The following MYCBPAP variants were observed in gnomAD, a reference collection of about 807,000 sequenced individuals.
MYCBPAP encodes the protein MYCBP associated protein.
A neutral mutation model predicts 106.1 loss-of-function variants in MYCBPAP; 60 were observed. The ratio of observed to expected loss-of-function variants is 0.57; its 90% CI spans 0.46 to 0.70. The LOEUF (loss-of-function observed/expected upper bound fraction) is 0.70. Ranked by LOEUF, MYCBPAP falls within the 30% of genes least tolerant of loss-of-function variation. The pLI is 0.00. For synonymous variants in MYCBPAP, 407 were observed against 440.6 expected (o/e 0.92, Z 0.95); for missense variants, 1,064 against 1,169.3 (o/e 0.91, Z 1.31).
At chr17:50,515,157 C>T (rs2033999436) in intron 1 of MYCBPAP, among the ~76,000 whole-genome samples, 1 of 152,120 alleles carries the variant, frequency 6.6e-6, no homozygotes, top group Admixed American at 6.5e-5. Flanking sequence ...TTCCTTTCTC[C>T]AGCTTCTTCA....
At chr17:50,513,218 C>CAAAAAA (rs1190873215) in intron 1 of MYCBPAP, among the ~76,000 whole-genome samples, 1 of 62,692 alleles carries the variant, frequency 1.6e-5, no homozygotes, top group African/African-American at 6.1e-5. Flanking sequence ...AACTCCATCT[C>CAAAAAA]AAAAAAAAAA....
Position 50,523,137 on chromosome 17 carries a change from G to C in MYCBPAP, c.1447+9G>C. 6.2e-7 allele frequency: 1 copy of C among 1,611,866 alleles called. No individual in the cohort carries two copies. The highest frequency in any genetic ancestry group is 8.5e-7 in the Non-Finnish European group (1 of 1,178,288). ...CTTTGACAACCGGGAAGGTACTCGG[G>C]AGAAGCCACCCTATGTGCTAGCTCC... On this transcript the variant is annotated intron_variant, in intron 11 of 18. Coordinates refer to ENST00000323776, the MANE Select transcript of MYCBPAP (RefSeq NM_032133.6).
intron 1 of MYCBPAP, among the ~76,000 whole-genome samples, chr17:50,510,830 C>A (rs942701335): frequency 9.3e-5 from 14 of 150,898 alleles, no homozygotes; most frequent in African/African-American, 3.4e-4. Context: ...CCGTGACATA[C>A]TTTTTAATAG....
chr17:50,529,046 C>G lies in MYCBPAP; in HGVS notation c.2582C>G (p.Ala861Gly). 6.2e-7 allele frequency: 1 copy of G among 1,614,086 alleles called. No homozygotes were observed. Among genetic ancestry groups the G allele is most frequent in the Non-Finnish European group, 8.5e-7 (1 of 1,180,006 alleles). ...EDRPNSKKHKAKDDKKVIKSA... is the reference protein window; with the variant it reads ...EDRPNSKKHKGKDDKKVIKSA... ...CGTCCCAACAGCAAGAAGCACAAGG[C>G]AAAGGATGACAAGAAAGTCATAAAA... is the stretch of plus-strand genomic sequence containing the variant. Residue 861 changes from alanine (A) to glycine (G), a missense_variant, in exon 18 of 19, where the codon GCA becomes GGA. Coordinates refer to ENST00000323776, the MANE Select transcript of MYCBPAP (RefSeq NM_032133.6).
chr17:50,508,720 A>G lies in MYCBPAP; in HGVS notation c.46A>G (p.Arg16Gly), dbSNP rs1184508525. 6.2e-7 allele frequency: 1 copy of G among 1,611,562 alleles called. No homozygotes were observed. Among genetic ancestry groups the G allele is most frequent in the South Asian group, 1.1e-5 (1 of 90,540 alleles). Residue 16 changes from arginine to glycine, a missense_variant, in exon 1 of 19, where the codon AGA (arginine) becomes GGA (glycine). By Grantham distance (125) the Arg-to-Gly change is moderately radical. Coordinates refer to ENST00000323776, the MANE Select transcript of MYCBPAP (RefSeq NM_032133.6). ...TTCCCGCCTCAGAATAACTCCGACCAGATTATTAGAGGCCTCAGAGAATGT... is the reference window on the plus strand; with the variant it reads ...TTCCCGCCTCAGAATAACTCCGACCGGATTATTAGAGGCCTCAGAGAATGT... ...KDSRLRITPT[R>G]LLEASENVKE...
intron 1 of MYCBPAP, among the ~76,000 whole-genome samples, chr17:50,515,613 C>G (rs1309135895): frequency 6.6e-6 from 1 of 152,158 alleles, no homozygotes; most frequent in African/African-American, 2.4e-5. Flanking sequence ...GTACAGCTCC[C>G]TAGGCCCTGG....
At chr17:50,508,437 G>A, upstream of MYCBPAP, 8 of 1,085,216 alleles carry the variant, frequency 7.4e-6, no homozygotes, top group Admixed American at 3.4e-5. Context: ...GGCCGGGCCC[G>A]CAGGGCTTTC....
Position 50,531,403 on chromosome 17 carries a change from A to T in MYCBPAP, c.2801A>T (p.Glu934Val), listed in dbSNP as rs1597855326. ...ADELSPIKNV[E>V]EALRLCR ...GAGCTCAGCCCCATAAAGAATGTCGAGGAGGCTTTGCGCCTCTGCAGGTGA... is the reference window on the plus strand; with the variant it reads ...GAGCTCAGCCCCATAAAGAATGTCGTGGAGGCTTTGCGCCTCTGCAGGTGA... Residue 934 changes from glutamate (E) to valine (V), a missense_variant, in exon 19 of 19, where the codon GAG (glutamate) becomes GTG (valine). Glu to Val is a moderately radical substitution (Grantham distance 121). Coordinates refer to ENST00000323776, the MANE Select transcript of MYCBPAP (RefSeq NM_032133.6). The T allele has an allele frequency of 1.2e-6, 2 of 1,613,396 alleles. No homozygotes were observed. Among genetic ancestry groups the T allele is most frequent in the East Asian group, 4.5e-5 (2 of 44,844 alleles).
At chr17:50,519,145 G>A (rs961582289) in intron 6 of MYCBPAP, 56 bp downstream of exon 6, 8 of 1,173,344 alleles carry the variant, frequency 6.8e-6, no homozygotes, top group African/African-American at 3.1e-5. Context: ...AGGAGGGGGC[G>A]GGGGCAGGTG....
intron 7 of MYCBPAP, 164 bp downstream of exon 7, chr17:50,519,951 TC>T: frequency 1.4e-6 from 1 of 708,914 alleles, no homozygotes; most frequent in Non-Finnish European, 2.2e-6. Context: ...GAAGTCCGGC[TC>T]CCTCTTCTTT....
At chr17:50,524,627 G>C (rs991134944) in intron 12 of MYCBPAP, among the ~76,000 whole-genome samples, 11 of 152,068 alleles carry the variant, frequency 7.2e-5, no homozygotes, top group Admixed American at 7.2e-4. Flanking sequence ...CACTGGAACT[G>C]GCCCTCCTCT....
At position 50,525,066 on chromosome 17, in the gene MYCBPAP, C is replaced by T. The variant is rs143871845; in HGVS notation, c.1782+43C>T. ...CCCCTGCCCCCTCATGTGTGCCCTGCGTCAAGGGTCCCCAACCCGCAGGCC... is the reference window on the plus strand; with the variant it reads ...CCCCTGCCCCCTCATGTGTGCCCTGTGTCAAGGGTCCCCAACCCGCAGGCC... On this transcript the variant is annotated intron_variant, in intron 13 of 18. Transcript: ENST00000323776. 1.8e-4 allele frequency: 291 copies of T among 1,578,296 alleles called. 2 individuals carry two copies. The African/African-American group carries it at 2.7e-3, about 15-fold the overall frequency.
At chr17:50,523,404 C>T (rs572965944) in intron 11 of MYCBPAP, among the ~76,000 whole-genome samples, 193 bp from the exon 12 acceptor site, 3 of 152,278 alleles carry the variant, frequency 2.0e-5, no homozygotes, top group African/African-American at 7.2e-5. Flanking sequence ...GCTAGGATGG[C>T]CAGCTGTCTC....
intron 18 of MYCBPAP, chr17:50,529,402 A>G (rs1031759592): frequency 1.9e-6 from 1 of 532,692 alleles, no homozygotes; most frequent in African/African-American, 1.9e-5. Flanking sequence ...CCAGGCAGGG[A>G]ATGGAGGCAC....
intron 16 of MYCBPAP, 83 bp downstream of exon 16, chr17:50,528,353 C>A: frequency 8.4e-7 from 1 of 1,191,916 alleles, no homozygotes; most frequent in South Asian, 1.3e-5. Context: ...CTGGGCCAGT[C>A]ATACTCCTTT....
chr17:50,517,679 T>A lies in MYCBPAP; in HGVS notation c.449T>A (p.Leu150His). ...GSLQDFKRIA[L>H]ARGNTQLAER... Reference sequence around the variant, plus strand: ...CTCCAGGATTTTAAGAGAATTGCACTTGCTCGAGGGAACACCCAGGTTTGT... The same window carrying A: ...CTCCAGGATTTTAAGAGAATTGCACATGCTCGAGGGAACACCCAGGTTTGT... The change falls in exon 4 of 19, where the codon CTT becomes CAT. Residue 150 changes from leucine to histidine, a missense_variant. Leu to His is a moderately conservative substitution (Grantham distance 99). Coordinates refer to ENST00000323776, the MANE Select transcript of MYCBPAP (RefSeq NM_032133.6). The A allele has an allele frequency of 6.2e-7, 1 of 1,614,128 alleles. No homozygotes were observed. Among genetic ancestry groups the A allele is most frequent in the Non-Finnish European group, 8.5e-7 (1 of 1,179,998 alleles).
Position 50,519,667 on chromosome 17 carries a change from C to G in MYCBPAP, c.796C>G (p.Arg266Gly), listed in dbSNP as rs1473578827. 1.2e-6 allele frequency: 2 copies of G among 1,614,014 alleles called. No homozygotes were observed. The highest frequency in any genetic ancestry group is 1.1e-5 in the South Asian group (1 of 91,062). The change falls in exon 7 of 19, where the codon CGA (arginine) becomes GGA (glycine). Residue 266 changes from arginine to glycine, a missense_variant. Transcript: ENST00000323776. ...CTGGGAGAACAGTGGGTTCTGGAGT[C>G]GACTGGAATACTTGGGAGATGAGAT... The part of the protein sequence containing the change: ...KSWENSGFWS[R>G]LEYLGDEMTG...
intron 18 of MYCBPAP, chr17:50,529,730 G>A (rs1474199217): frequency 4.4e-6 from 2 of 456,186 alleles, no homozygotes; most frequent in Admixed American, 4.7e-5. Context: ...GGAACAGAGA[G>A]GAAGGAAGCC....
intron 1 of MYCBPAP, chr17:50,509,909 G>A (rs2033764434): frequency 6.6e-6 from 1 of 152,202 alleles, no homozygotes; most frequent in African/African-American, 2.4e-5. Flanking sequence ...GATGGTTGTA[G>A]GGGTACGTCT....
Sources: allele counts gnomAD v4.1 joint callset (sites outside exome capture counted in the v4.1 genomes callset), GRCh38; gene constraint gnomAD v4.1.1; transcripts MANE v1.5; gene names NCBI Gene and HGNC (gene_info 2026-07-23, HGNC 2026-07-21).